The following MED12L variants were observed in gnomAD, a reference collection of about 807,000 sequenced individuals.
The protein encoded by MED12L is mediator complex subunit 12L.
MED12L carries 60 observed loss-of-function variants against 281.3 expected under a neutral mutation model. The observed-to-expected ratio is 0.21, with a 90% CI of 0.17 to 0.26. The LOEUF (loss-of-function observed/expected upper bound fraction) is 0.26, where lower values mean the gene tolerates loss of function less well. Among genes scored for constraint, MED12L ranks in the 10% least tolerant of loss-of-function variants. The pLI is 1.00. For synonymous variants in MED12L, 974 were observed against 987.2 expected (o/e 0.99, Z 0.25); for missense variants, 2,146 against 2,680.9 (o/e 0.80, Z 4.41).
intron 26 of MED12L, among the ~76,000 whole-genome samples, chr3:151,370,453 A>C (rs1756034273): frequency 6.6e-6 from 1 of 152,202 alleles, no homozygotes; most frequent in African/African-American, 2.4e-5. Context: ...GAAGGATAAC[A>C]GAATTTTCAT....
intron 16 of MED12L, chr3:151,328,079 T>G (rs779208733): frequency 5.6e-6 from 9 of 1,610,392 alleles, no homozygotes; most frequent in Non-Finnish European, 6.8e-6. Flanking sequence ...TGGTAGCTTT[T>G]CTGTGAATTT....
At chr3:151,323,700 C>T (rs541640642) in intron 16 of MED12L, among the ~76,000 whole-genome samples, 40 of 152,302 alleles carry the variant, frequency 2.6e-4, no homozygotes, top group African/African-American at 9.4e-4. Context: ...TCTCTCACAC[C>T]TCTTATCACA....
At chr3:151,417,487 C>CTTCTT (rs1717742862) in intron 43 of MED12L, among the ~76,000 whole-genome samples, 1 of 78,818 alleles carries the variant, frequency 1.3e-5, no homozygotes, top group African/African-American at 5.0e-5. Flanking sequence ...CCCCCCCCGC[C>CTTCTT]TTTTTTTTTT....
chr3:151,118,767 C>G (rs927735830), intron 3 of MED12L, among the ~76,000 whole-genome samples: 1 of 151,926 alleles, frequency 6.6e-6, no homozygotes, highest in Non-Finnish European at 1.5e-5. Context: ...AATCTTCGCT[C>G]ACTGCAACCT....
chr3:151,427,118 C>G (rs550851362), intron 43 of MED12L, among the ~76,000 whole-genome samples: 1 of 152,208 alleles, frequency 6.6e-6, no homozygotes, highest in East Asian at 1.9e-4. Context: ...TGTGCCTGGC[C>G]TGGTTTACAT....
intron 16 of MED12L, among the ~76,000 whole-genome samples, chr3:151,344,800 A>G (rs1179452530): frequency 1.3e-5 from 2 of 152,226 alleles, no homozygotes; most frequent in Non-Finnish European, 2.9e-5. Context: ...TAGTAATTTA[A>G]AAATTCTATG....
intron 6 of MED12L, 58 bp downstream of exon 6, chr3:151,156,388 C>G: frequency 6.8e-7 from 1 of 1,478,830 alleles, no homozygotes; most frequent in Non-Finnish European, 9.1e-7. Flanking sequence ...ACAGCAAATT[C>G]CTTATAGTTT....
At chr3:151,424,406 G>A (rs1284435637) in intron 43 of MED12L, among the ~76,000 whole-genome samples, 1 of 152,116 alleles carries the variant, frequency 6.6e-6, no homozygotes, top group Non-Finnish European at 1.5e-5. Flanking sequence ...GGATCACGAG[G>A]TCAGGAGATT....
intron 39 of MED12L, among the ~76,000 whole-genome samples, chr3:151,396,284 A>G (rs1023990266): frequency 2.6e-5 from 4 of 152,248 alleles, no homozygotes; most frequent in African/African-American, 9.6e-5. Flanking sequence ...AAATTTCACT[A>G]GAAGTTGAAA....
intron 16 of MED12L, among the ~76,000 whole-genome samples, chr3:151,311,333 G>GTGTGTA (rs1553775660): frequency 6.6e-6 from 1 of 150,912 alleles, no homozygotes; most frequent in African/African-American, 2.4e-5. Flanking sequence ...GTGTGTGTGT[G>GTGTGTA]TATATATATA....
Position 151,402,437 on chromosome 3 carries a change from G to C in MED12L, c.5821-6806G>C, listed in dbSNP as rs560623224. Among the ~76,000 whole-genome samples, 7 of 152,256 alleles carry C rather than the reference G, an allele frequency of 4.6e-5. No homozygotes were observed. The South Asian group carries it at 1.2e-3, about 27-fold the overall frequency. ...TGGTTGAATGTGTGGTTAATCTGAT[G>C]ATCTCTTCTTACTTGGATTTACTGG... On this transcript the variant is annotated intron_variant, in intron 39 of 44. Coordinates refer to ENST00000687756, the MANE Select transcript of MED12L (RefSeq NM_001393769.1).
chr3:151,358,910 T>C (rs1754272285), intron 20 of MED12L, among the ~76,000 whole-genome samples: 1 of 152,210 alleles, frequency 6.6e-6, no homozygotes, highest in Non-Finnish European at 1.5e-5. Context: ...AAATAATTTT[T>C]CGCTTTATAG....
chr3:151,145,293 A>C (rs1000622311), intron 5 of MED12L, among the ~76,000 whole-genome samples: 1 of 152,154 alleles, frequency 6.6e-6, no homozygotes, highest in African/African-American at 2.4e-5. Flanking sequence ...GTGCACTACC[A>C]ATATTGTTAC....
At chr3:151,230,032 C>A (rs576619462) in intron 16 of MED12L, among the ~76,000 whole-genome samples, 91 of 152,040 alleles carry the variant, frequency 6.0e-4, no homozygotes, top group African/African-American at 2.1e-3. Context: ...TGCAGTGGTG[C>A]GATCTCAGCT....
intron 16 of MED12L, chr3:151,327,811 G>A (rs891078401): frequency 7.7e-5 from 34 of 442,972 alleles, no homozygotes; most frequent in Non-Finnish European, 1.3e-4. Flanking sequence ...CTTAGTAATG[G>A]TTCATTCAGC....
chr3:151,355,250 A>G lies in MED12L; in HGVS notation c.2517+11A>G. On this transcript the variant is annotated intron_variant, in intron 18 of 44. Transcript: ENST00000687756. The stretch of plus-strand genomic sequence containing the variant: ...CAAGTGACATCTCAGGTAGCTATTT[A>G]AAGCTGTTTATTATGCATTTGCAGT... The G allele has an allele frequency of 6.4e-7, 1 of 1,574,186 alleles. No homozygotes were observed. The highest frequency in any genetic ancestry group is 1.7e-5 in the Admixed American group (1 of 58,010).
At chr3:151,195,442 A>AT (rs1308664693) in intron 16 of MED12L, among the ~76,000 whole-genome samples, 9 of 151,910 alleles carry the variant, frequency 5.9e-5, no homozygotes, top group African/African-American at 2.2e-4. Flanking sequence ...CAATTAATCC[A>AT]TTTTTTGTTA....
At position 151,436,647 on chromosome 3, in the gene MED12L, A is replaced by AAAT. The variant is rs142016761; in HGVS notation, c.*3846_*3848dup. On this transcript the variant is annotated 3_prime_UTR_variant, in exon 45 of 45. Coordinates refer to ENST00000687756, the MANE Select transcript of MED12L (RefSeq NM_001393769.1). ...TGCCTTTGATTAAACTTCTTCCAAA[A>AAAT]AATAAATTCTGCCCAGATGTTGTTG... is the stretch of plus-strand genomic sequence containing the variant. 56,100 of 1,422,700 alleles carry AAAT rather than the reference A, an allele frequency of 0.039. 1,290 individuals carry two copies. The highest frequency in any genetic ancestry group is 0.046 in the Non-Finnish European group (47,617 of 1,045,056). The allele number at this position is 1,422,700 out of a possible 1,614,324, so 88.1% of individuals were successfully genotyped here. A position where few individuals can be genotyped will look rare whatever the true frequency, so the allele number is the denominator to read the frequency against.
intron 39 of MED12L, among the ~76,000 whole-genome samples, chr3:151,404,544 T>G (rs774387227): frequency 6.6e-5 from 10 of 152,248 alleles, no homozygotes; most frequent in Non-Finnish European, 1.2e-4. Flanking sequence ...CCATGTGGTG[T>G]TTTAGCCTAA....
Sources: gnomAD v4.1 joint callset for allele counts (sites outside exome capture counted in the v4.1 genomes callset) on GRCh38, gnomAD v4.1.1 for gene constraint, MANE v1.5 for transcripts, NCBI Gene and HGNC (gene_info 2026-07-23, HGNC 2026-07-21) for gene names.